KIAA1217: variants seen among roughly 807,000 people sequenced by gnomAD.
KIAA1217 encodes sickle tail protein homolog.
KIAA1217 carries 88 observed loss-of-function variants against 163.9 expected under a neutral mutation model. That is an observed-to-expected ratio of 0.54 (90% CI 0.45 to 0.64). KIAA1217 has a LOEUF of 0.64. KIAA1217 is among the 30% of genes least tolerant of loss of function. KIAA1217 has a pLI of 0.00. For missense variants in KIAA1217, 2,372 were observed against 2,475.0 expected (o/e 0.96, Z 0.88); for synonymous variants, 903 against 923.1 (o/e 0.98, Z 0.39).
intron 2 of KIAA1217, among the ~76,000 whole-genome samples, chr10:24,129,117 A>T (rs1037729187): frequency 2.0e-5 from 3 of 152,210 alleles, no homozygotes; most frequent in Admixed American, 6.5e-5. Flanking sequence ...GAAAGGTACT[A>T]ACCTCCTACT....
At chr10:24,065,845 A>ATG (rs2131614008) in intron 2 of KIAA1217, among the ~76,000 whole-genome samples, 1 of 152,290 alleles carries the variant, frequency 6.6e-6, no homozygotes, top group Non-Finnish European at 1.5e-5. Context: ...GTGCATATAT[A>ATG]TTTAGGATAG....
intron 3 of KIAA1217, among the ~76,000 whole-genome samples, chr10:24,420,242 T>A (rs1311947373): frequency 1.3e-5 from 2 of 152,238 alleles, no homozygotes; most frequent in Non-Finnish European, 2.9e-5. Context: ...TTTCTCTATG[T>A]GACGAGAATA....
chr10:23,917,443 G>A (rs2131283117), intron 1 of KIAA1217, among the ~76,000 whole-genome samples: 1 of 152,220 alleles, frequency 6.6e-6, no homozygotes, highest in African/African-American at 2.4e-5. Flanking sequence ...GCAAGCCTAG[G>A]GCCTTGTGAA....
At chr10:24,392,644 C>T (rs977892204) in intron 3 of KIAA1217, among the ~76,000 whole-genome samples, 4 of 152,292 alleles carry the variant, frequency 2.6e-5, no homozygotes, top group African/African-American at 7.2e-5. Context: ...ATTTCTCCCA[C>T]AGTGACAAAA....
At chr10:24,025,209 A>T (rs1847889852) in intron 2 of KIAA1217, among the ~76,000 whole-genome samples, 1 of 151,764 alleles carries the variant, frequency 6.6e-6, no homozygotes, top group Non-Finnish European at 1.5e-5. Context: ...TGAGATAAGC[A>T]TTGAGGCTCA....
intron 2 of KIAA1217, among the ~76,000 whole-genome samples, chr10:24,242,529 T>C (rs913762637): frequency 3.9e-5 from 6 of 152,276 alleles, no homozygotes; most frequent in Non-Finnish European, 7.4e-5. Context: ...CATGTCTTTG[T>C]GGATAGCACG....
At chr10:24,538,355 G>T (rs2074342958) in intron 17 of KIAA1217, among the ~76,000 whole-genome samples, 2 of 152,094 alleles carry the variant, frequency 1.3e-5, no homozygotes, top group South Asian at 4.1e-4. Context: ...CTATATCCAA[G>T]GGGGGTTATT....
intron 3 of KIAA1217, among the ~76,000 whole-genome samples, chr10:24,387,473 A>T (rs2130700343): frequency 6.6e-6 from 1 of 152,364 alleles, no homozygotes; most frequent in Admixed American, 6.5e-5. Flanking sequence ...AACTGGAAGC[A>T]TTCCCTTTGA....
chr10:24,075,020 T>C (rs1259315732), intron 2 of KIAA1217, among the ~76,000 whole-genome samples: 2 of 151,996 alleles, frequency 1.3e-5, no homozygotes, highest in African/African-American at 2.4e-5. Context: ...TTTCATCTCA[T>C]GTAATACCTA....
At chr10:24,144,951 A>C (rs1294317852) in intron 2 of KIAA1217, among the ~76,000 whole-genome samples, 1 of 152,238 alleles carries the variant, frequency 6.6e-6, no homozygotes, top group Non-Finnish European at 1.5e-5. Flanking sequence ...AGTTATTTAC[A>C]ACTGCCAAAT....
At chr10:24,278,096 G>A (rs1590510055) in intron 2 of KIAA1217, among the ~76,000 whole-genome samples, 1 of 152,344 alleles carries the variant, frequency 6.6e-6, no homozygotes, top group Non-Finnish European at 1.5e-5. Context: ...CTTAGGCTGT[G>A]TGTGAAAGTA....
At chr10:23,843,706 C>G (rs1838893450) in intron 1 of KIAA1217, among the ~76,000 whole-genome samples, 1 of 152,140 alleles carries the variant, frequency 6.6e-6, no homozygotes, top group Non-Finnish European at 1.5e-5. Context: ...CTATGTTCTT[C>G]TGTATAGGCA....
At chr10:24,438,528 C>G (rs1244373811) in intron 5 of KIAA1217, 49 bp downstream of exon 5, 4 of 1,270,846 alleles carry the variant, frequency 3.1e-6, no homozygotes, top group Non-Finnish European at 3.5e-6. Flanking sequence ...GTCAAAGCGT[C>G]CCTCCTCTTG....
intron 1 of KIAA1217, among the ~76,000 whole-genome samples, chr10:23,740,573 C>T (rs6482336): frequency 0.23 from 34,824 of 151,920 alleles, 4,330 homozygotes; most frequent in African/African-American, 0.32. Context: ...TTGCCCAGGG[C>T]GGTCTTGAAC....
Position 23,936,605 on chromosome 10 carries a change from G to A in KIAA1217, c.-320-70620G>A, listed in dbSNP as rs560875673. Among the ~76,000 whole-genome samples, 11 of 152,110 alleles carry A rather than the reference G, an allele frequency of 7.2e-5. No individual in the cohort carries two copies. In the South Asian group the frequency reaches 1.2e-3, roughly 17 times the overall value. ...TGCTAGAGGCTGAGATTAGAGTGAC[G>A]CCTGTAAAGCCAAAGAACACCAGGG... On this transcript the variant is annotated intron_variant, in intron 1 of 18. Coordinates refer to the KIAA1217 transcript ENST00000376462.
intron 2 of KIAA1217, among the ~76,000 whole-genome samples, chr10:24,359,078 CTTTCT>C (rs1421060404): frequency 3.7e-5 from 3 of 81,390 alleles, no homozygotes; most frequent in South Asian, 4.0e-4. Context: ...TTCTTTCTTT[CTTTCT>C]TTTTTTTTTT....
At chr10:24,209,776 T>C (rs1311062282) in intron 1 of KIAA1217, among the ~76,000 whole-genome samples, 2 of 152,220 alleles carry the variant, frequency 1.3e-5, no homozygotes, top group Non-Finnish European at 2.9e-5. Flanking sequence ...AGGGGAGGGC[T>C]TGAGCATCTG....
intron 2 of KIAA1217, among the ~76,000 whole-genome samples, chr10:24,228,035 T>G (rs898724889): frequency 2.6e-5 from 4 of 151,916 alleles, no homozygotes; most frequent in Non-Finnish European, 5.9e-5. Context: ...TCTCAACACC[T>G]AGGGAGGCTG....
chr10:23,725,251 C>G (rs180850862), intron 1 of KIAA1217, among the ~76,000 whole-genome samples: 1 of 152,310 alleles, frequency 6.6e-6, no homozygotes, highest in Admixed American at 6.5e-5. Context: ...TTTAATAAAA[C>G]AGTGTGACTG....
Sources: allele counts gnomAD v4.1 joint callset (sites outside exome capture counted in the v4.1 genomes callset), GRCh38; gene constraint gnomAD v4.1.1; transcripts MANE v1.5; gene names NCBI Gene and HGNC (gene_info 2026-07-23, HGNC 2026-07-21).